NAALADL2: variants seen among roughly 807,000 people sequenced by gnomAD.
The protein encoded by NAALADL2 is N-acetylated alpha-linked acidic dipeptidase like 2.
NAALADL2 carries 76 observed loss-of-function variants against 87.2 expected under a neutral mutation model. The ratio of observed to expected loss-of-function variants is 0.87; its 90% CI spans 0.72 to 1.05. NAALADL2 has a LOEUF of 1.05. NAALADL2 is among the 50% of genes least tolerant of loss of function. The pLI, the probability that NAALADL2 is intolerant of heterozygous loss-of-function variation, is 0.00. For missense variants in NAALADL2, 1,089 were observed against 945.8 expected, an observed-to-expected ratio of 1.15 and a Z score of -1.99; for synonymous variants, 354 against 331.0, an observed-to-expected ratio of 1.07 and a Z score of -0.75.
chr3:175,790,802 A>AAAAAGATAACTCTTTCTTT (rs1752686939), intron 13 of NAALADL2, among the ~76,000 whole-genome samples: 1 of 152,248 alleles, frequency 6.6e-6, no homozygotes, highest in Admixed American at 6.5e-5. Context: ...GTTCATTTTC[A>AAAAAGATAACTCTTTCTTT]AAAAGATAAC....
At chr3:174,498,384 A>G (rs1369733927) in intron 1 of NAALADL2, among the ~76,000 whole-genome samples, 2 of 151,822 alleles carry the variant, frequency 1.3e-5, no homozygotes, top group African/African-American at 4.8e-5. Flanking sequence ...ATTTTTGTGG[A>G]GTAGTATTCC....
chr3:174,920,879 G>T (rs1432472808), intron 1 of NAALADL2, among the ~76,000 whole-genome samples: 4 of 152,156 alleles, frequency 2.6e-5, no homozygotes, highest in Non-Finnish European at 5.9e-5. Flanking sequence ...GTATAGTTGT[G>T]TGTCTGAGAA....
Position 175,803,048 on chromosome 3 carries a change from A to T in NAALADL2, c.2233A>T (p.Ile745Leu). 1 of 1,612,400 alleles carries T rather than the reference A, an allele frequency of 6.2e-7. No individual in the cohort carries two copies. The highest frequency in any genetic ancestry group is 1.1e-5 in the South Asian group (1 of 91,030). The change falls in exon 14 of 14, where the codon ATA becomes TTA. Residue 745 changes from isoleucine (I) to leucine (L), a missense_variant. By Grantham distance (5) the Ile-to-Leu change is conservative (BLOSUM62 2). Transcript: ENST00000454872. ...HLDEKTSRFSILIEAWEHCKP... is the reference protein window; with the variant it reads ...HLDEKTSRFSLLIEAWEHCKP... The stretch of plus-strand genomic sequence containing the variant: ...TGATGAAAAGACAAGCCGGTTTTCA[A>T]TACTTATAGAGGCTTGGGAACACTG...
intron 2 of NAALADL2, among the ~76,000 whole-genome samples, chr3:175,157,374 C>G (rs1456746433): frequency 2.0e-5 from 3 of 152,038 alleles, no homozygotes; most frequent in African/African-American, 7.2e-5. Flanking sequence ...ATTCTCAAAA[C>G]ATCAGTTTTA....
intron 2 of NAALADL2, among the ~76,000 whole-genome samples, chr3:174,572,657 T>C (rs1715067274): frequency 6.6e-6 from 1 of 152,172 alleles, no homozygotes; most frequent in Non-Finnish European, 1.5e-5. Context: ...TTCAGCAATC[T>C]TGAAGGACTC....
rs942557522 is a variant in NAALADL2 at position 175,804,827 on chromosome 3, G to C, written c.*1624G>C. On this transcript the variant is annotated 3_prime_UTR_variant, in exon 14 of 14. Coordinates refer to ENST00000454872, the MANE Select transcript of NAALADL2 (RefSeq NM_207015.3). ...TTTTATATGCTCAAGGCAAAGCAGG[G>C]AATAGAGGCAATTAGCTAGATAATT... 3 of 151,806 alleles carry C rather than the reference G, an allele frequency of 2.0e-5. No individual in the cohort carries two copies. Among genetic ancestry groups the C allele is most frequent in the Non-Finnish European group, 4.4e-5 (3 of 67,858 alleles). The allele number at this position is 151,806 out of a possible 1,614,324, so 9.4% of individuals were successfully genotyped here. A position where few individuals can be genotyped will look rare whatever the true frequency, so the allele number is the denominator to read the frequency against.
intron 2 of NAALADL2, among the ~76,000 whole-genome samples, chr3:174,696,499 T>C (rs562195365): frequency 6.6e-6 from 1 of 151,422 alleles, no homozygotes. Flanking sequence ...CATTCTTGAC[T>C]GATACTGCTA....
intron 11 of NAALADL2, among the ~76,000 whole-genome samples, chr3:175,673,929 CATATT>C (rs1013606506): frequency 6.6e-6 from 1 of 151,816 alleles, no homozygotes; most frequent in East Asian, 1.9e-4. Flanking sequence ...ATAGTATTTA[CATATT>C]ATATTAAGAA....
intron 5 of NAALADL2, among the ~76,000 whole-genome samples, chr3:175,420,644 A>C (rs1035188916): frequency 6.6e-6 from 1 of 152,066 alleles, no homozygotes; most frequent in Admixed American, 6.6e-5. Context: ...AAGTAACTCC[A>C]TACCAATCCA....
intron 1 of NAALADL2, among the ~76,000 whole-genome samples, chr3:174,864,926 T>C (rs1263884156): frequency 2.6e-5 from 4 of 152,040 alleles, no homozygotes; most frequent in African/African-American, 9.7e-5. Context: ...AAAGAAGATG[T>C]TATTAGGATG....
intron 1 of NAALADL2, among the ~76,000 whole-genome samples, chr3:174,953,333 CCCCTCCCCTCCCCTCCTCTT>C: frequency 9.5e-6 from 1 of 105,732 alleles, no homozygotes; most frequent in East Asian, 4.3e-4. Context: ...CCCCTCCCCT[CCCCTCCCCTCCCCTCCTCTT>C]TCCCCTTCCT....
At chr3:174,651,795 C>G (rs980220627) in intron 2 of NAALADL2, among the ~76,000 whole-genome samples, 2 of 152,102 alleles carry the variant, frequency 1.3e-5, no homozygotes, top group African/African-American at 4.8e-5. Flanking sequence ...CTGGCTTCTG[C>G]CACCTTCTTT....
intron 4 of NAALADL2, among the ~76,000 whole-genome samples, chr3:175,293,749 A>G (rs1336212363): frequency 6.6e-6 from 1 of 152,230 alleles, no homozygotes; most frequent in Non-Finnish European, 1.5e-5. Context: ...CTCATCAGAC[A>G]CAAATTTGCC....
chr3:174,979,568 G>A (rs1363858710), intron 1 of NAALADL2, among the ~76,000 whole-genome samples: 1 of 151,872 alleles, frequency 6.6e-6, no homozygotes, highest in Non-Finnish European at 1.5e-5. Flanking sequence ...GCCTCCCAAA[G>A]TGCTGGGATT....
At chr3:175,223,186 C>T (rs1743650283) in intron 2 of NAALADL2, among the ~76,000 whole-genome samples, 1 of 150,548 alleles carries the variant, frequency 6.6e-6, no homozygotes, top group South Asian at 2.1e-4. Context: ...ATATTATTAA[C>T]CATAGTCACG....
At chr3:175,604,298 ATTTTT>A (rs33971019) in intron 10 of NAALADL2, among the ~76,000 whole-genome samples, 1 of 83,560 alleles carries the variant, frequency 1.2e-5, no homozygotes, top group African/African-American at 4.4e-5. Flanking sequence ...TGACATTGAA[ATTTTT>A]TTTTTTTTTT....
intron 1 of NAALADL2, among the ~76,000 whole-genome samples, chr3:175,037,870 A>C (rs1300402271): frequency 6.6e-6 from 1 of 152,134 alleles, no homozygotes; most frequent in African/African-American, 2.4e-5. Flanking sequence ...GGTGCTAGAC[A>C]GAGGTACTAC....
rs188183798 is a variant in NAALADL2 at position 174,757,865 on chromosome 3, A to G, written c.-9+20119A>G. ...TTACAGCAAAAATCTTAGGACTTGT[A>G]AAATACCTGGGACATAATGATACTT... On this transcript the variant is annotated intron_variant, in intron 3 of 3. Transcript: ENST00000434257. Among the ~76,000 whole-genome samples the G allele has an allele frequency of 1.2e-4, 19 of 152,316 alleles. 1 individual carries two copies. In the East Asian group the frequency reaches 3.3e-3, roughly 26 times the overall value.
chr3:175,709,600 TGGAAATAATAG>T (rs1740246515), intron 11 of NAALADL2, among the ~76,000 whole-genome samples: 1 of 152,096 alleles, frequency 6.6e-6, no homozygotes, highest in African/African-American at 2.4e-5. Context: ...CGTATTACGC[TGGAAATAATAG>T]ACTTGGCAAT....
Sources: allele counts gnomAD v4.1 joint callset (sites outside exome capture counted in the v4.1 genomes callset), GRCh38; gene constraint gnomAD v4.1.1; transcripts MANE v1.5; gene names NCBI Gene and HGNC (gene_info 2026-07-23, HGNC 2026-07-21).